Variants in ZBTB7A observed in about 807,000 individuals in gnomAD.
ZBTB7A encodes the protein zinc finger and BTB domain containing 7A.
In ZBTB7A, 7 loss-of-function variants were observed where a neutral mutation model predicts 26.7. The observed-to-expected ratio is 0.26, with a 90% confidence interval of 0.15 to 0.49. The LOEUF (loss-of-function observed/expected upper bound fraction) is 0.49. Among genes scored for constraint, ZBTB7A ranks in the 20% least tolerant of loss-of-function variants. The pLI is 0.98. For synonymous variants in ZBTB7A, 452 were observed against 441.0 expected, an observed-to-expected ratio of 1.02 and a Z score of -0.31; for missense variants, 617 against 919.5, an observed-to-expected ratio of 0.67 and a Z score of 4.25.
intron 2 of ZBTB7A, among the ~76,000 whole-genome samples, chr19:4,053,046 CCTGGGCTGTCCCTCCCT>C (rs1434106960): frequency 6.6e-6 from 1 of 152,226 alleles, no homozygotes. Flanking sequence ...CGCTCCACGG[CCTGGGCTGTCCCTCCCT>C]AAGCCTGAGG....
intron 1 of ZBTB7A, among the ~76,000 whole-genome samples, chr19:4,064,090 G>C (rs564068575): frequency 3.5e-4 from 53 of 152,192 alleles, no homozygotes; most frequent in Non-Finnish European, 5.7e-4. Context: ...GCTCTGCCTC[G>C]GCCGCGCCTC....
Position 4,046,397 on chromosome 19 carries a change from G to A in ZBTB7A, c.*1355C>T, listed in dbSNP as rs1376272351. On this transcript the variant is annotated 3_prime_UTR_variant, in exon 3 of 3. Transcript: ENST00000322357. Reference sequence around the variant, plus strand: ...AAATCGACTTTTAGGAATTTCTTCTGCTCTCGCTCTCTCTCTCGCTCTCTC... The same window carrying A: ...AAATCGACTTTTAGGAATTTCTTCTACTCTCGCTCTCTCTCTCGCTCTCTC... 2 of 182,702 alleles carry A rather than the reference G, an allele frequency of 1.1e-5. No homozygotes were observed. The highest frequency in any genetic ancestry group is 4.0e-4 in the South Asian group (2 of 5,040). 11.3% of individuals were successfully genotyped at this position (182,702 alleles called of 1,614,324 possible). A position where few individuals can be genotyped will look rare whatever the true frequency, so the allele number is the denominator to read the frequency against.
chr19:4,065,637 C>T (rs1435128918), intron 1 of ZBTB7A: 3 of 144,452 alleles, frequency 2.1e-5, no homozygotes, highest in African/African-American at 7.5e-5. Context: ...CCGCCTCCCC[C>T]ACGCCCGGGC....
In ZBTB7A at chr19:4,054,770, G is replaced by A; in HGVS notation, c.463C>T (p.Leu155Phe). 1 of 1,576,724 alleles carries A rather than the reference G, an allele frequency of 6.3e-7. No homozygotes were observed. The highest frequency in any genetic ancestry group is 8.6e-7 in the Non-Finnish European group (1 of 1,160,738). The change falls in exon 2 of 3, where the codon CTC becomes TTC. Residue 155 changes from leucine (L) to phenylalanine (F), a missense_variant. Coordinates refer to ENST00000322357, the MANE Select transcript of ZBTB7A (RefSeq NM_015898.4). Reference protein sequence around the residue: ...LVDQIDQRNLLRAKEYLEFFQ... With the variant: ...LVDQIDQRNLFRAKEYLEFFQ... The stretch of plus-strand genomic sequence containing the variant: ...AACTCGAGGTACTCCTTGGCGCGGA[G>A]GAGGTTGCGCTGATCAATTTGATCT...
chr19:4,053,628 C>T (rs1430831492), intron 2 of ZBTB7A, among the ~76,000 whole-genome samples: 1 of 147,154 alleles, frequency 6.8e-6, no homozygotes, highest in East Asian at 2.0e-4. Flanking sequence ...ATGTGGTGTG[C>T]ATCTGTGTCT....
At position 4,044,662 on chromosome 19, in the gene ZBTB7A, ATTGT is replaced by A. The variant is rs977807540; in HGVS notation, c.*3086_*3089del. On this transcript the variant is annotated 3_prime_UTR_variant, in exon 3 of 3. Transcript: ENST00000322357. Reference sequence around the variant, plus strand: ...ATGAGAATGGAAATAACAATTTCGCATTGTTTTTCTTTTTTTTTTTTCTCTTTTT... The same window carrying A: ...ATGAGAATGGAAATAACAATTTCGCATTTTCTTTTTTTTTTTTCTCTTTTT... 3.4e-5 allele frequency: 4 copies of A among 116,592 alleles called. No individual in the cohort carries two copies. The highest frequency in any genetic ancestry group is 9.9e-5 in the Admixed American group (1 of 10,146). The allele number at this position is 116,592 out of a possible 1,614,324, so 7.2% of individuals were successfully genotyped here. A position where few individuals can be genotyped will look rare whatever the true frequency, so the allele number is the denominator to read the frequency against.
At chr19:4,049,814 T>A (rs2040478894) in intron 2 of ZBTB7A, among the ~76,000 whole-genome samples, 1 of 152,216 alleles carries the variant, frequency 6.6e-6, no homozygotes, top group Non-Finnish European at 1.5e-5. Flanking sequence ...GCTCCCGCAG[T>A]CCGGGGTACT....
intron 1 of ZBTB7A, chr19:4,065,293 G>C (rs2040682589): frequency 6.7e-6 from 1 of 148,924 alleles, no homozygotes; most frequent in Non-Finnish European, 1.5e-5. Flanking sequence ...CGAGGGGCCA[G>C]GCCAGGCCCC....
chr19:4,051,414 C>G (rs2040503104), intron 2 of ZBTB7A, among the ~76,000 whole-genome samples: 1 of 152,210 alleles, frequency 6.6e-6, no homozygotes, highest in African/African-American at 2.4e-5. Flanking sequence ...TCCCAAAGAC[C>G]TGGCTCCCCT....
intron 1 of ZBTB7A, chr19:4,062,108 G>A (rs1016192241): frequency 8.5e-5 from 13 of 152,410 alleles, no homozygotes; most frequent in African/African-American, 3.1e-4. Context: ...GGCTCAGCCT[G>A]GGAGCCTGGC....
intron 1 of ZBTB7A, among the ~76,000 whole-genome samples, chr19:4,060,940 C>T (rs2040631908): frequency 6.6e-6 from 1 of 152,298 alleles, no homozygotes; most frequent in East Asian, 1.9e-4. Context: ...ATGTGCTGTG[C>T]AGAGCAGCTC....
chr19:4,049,168 G>GTGTGTATATA (rs1403864466), intron 2 of ZBTB7A, among the ~76,000 whole-genome samples: 1 of 14,958 alleles, frequency 6.7e-5, no homozygotes. Flanking sequence ...GTGTGTGTGT[G>GTGTGTATATA]TATATATATA....
rs762398738 is a variant in ZBTB7A at position 4,055,038 on chromosome 19, C to T, written c.195G>A (p.Ser65=). Residue 65 remains serine, a synonymous_variant, in exon 2 of 3, where the codon TCG becomes TCA. Transcript: ENST00000322357. ...CSQYFKKLFT[S]GAVVDQQNVY... is the part of the protein sequence containing the mutation. ...CGTTCTGCTGGTCCACCACGGCGCC[C>T]GACGTGAACAGCTTCTTGAAGTACT... 6 of 1,610,532 alleles carry T rather than the reference C, an allele frequency of 3.7e-6. No individual in the cohort carries two copies. Among genetic ancestry groups the T allele is most frequent in the Admixed American group, 3.3e-5 (2 of 59,908 alleles).
rs1401735437 is a variant in ZBTB7A at position 4,043,549 on chromosome 19, G to A, written c.*4203C>T. Among the ~76,000 whole-genome samples, 3 of 150,474 alleles carry A rather than the reference G, an allele frequency of 2.0e-5. No homozygotes were observed. The highest frequency in any genetic ancestry group is 3.9e-4 in the East Asian group (2 of 5,066). ...CTGTGCTCTGTACCCTGAGGGCGCC[G>A]CCCCGCCCCCCATTCACCAGGCCTG... On this transcript the variant is annotated 3_prime_UTR_variant, in exon 3 of 3. Coordinates refer to ENST00000322357, the MANE Select transcript of ZBTB7A (RefSeq NM_015898.4).
At position 4,047,905 on chromosome 19, in the gene ZBTB7A, C is replaced by T; in HGVS notation, c.1602G>A (p.Gln534=). 6.4e-7 allele frequency: 1 copy of T among 1,553,374 alleles called. No individual in the cohort carries two copies. Among genetic ancestry groups the T allele is most frequent in the Admixed American group, 1.9e-5 (1 of 52,236 alleles). The change falls in exon 3 of 3, where the codon CAG becomes CAA. Residue 534 remains glutamine (Q), a synonymous_variant. Transcript: ENST00000322357. ...PSSPDARRNG[Q]EKHFKDEDED... ...CGTCCTCGTCCTTAAAGTGCTTCTC[C>T]TGGCCGTTGCGCCGGGCGTCGGGGG...
chr19:4,043,395 T>G lies in ZBTB7A; in HGVS notation c.*4357A>C, dbSNP rs1226649327. Among the ~76,000 whole-genome samples the G allele has an allele frequency of 2.0e-5, 3 of 151,884 alleles. No individual in the cohort carries two copies. Among genetic ancestry groups the G allele is most frequent in the Admixed American group, 2.0e-4 (3 of 15,252 alleles). ...TTTTTTCATCTTTTGTGTTTTTGTTTGTTTTTTATTACTTTTAAAGCTTCT... is the reference window on the plus strand; with the variant it reads ...TTTTTTCATCTTTTGTGTTTTTGTTGGTTTTTTATTACTTTTAAAGCTTCT... On this transcript the variant is annotated 3_prime_UTR_variant, in exon 3 of 3. Coordinates refer to ENST00000322357, the MANE Select transcript of ZBTB7A (RefSeq NM_015898.4).
In ZBTB7A at chr19:4,043,748, T is replaced by C. The variant is rs2040376347; in HGVS notation, c.*4004A>G. On this transcript the variant is annotated 3_prime_UTR_variant, in exon 3 of 3. Transcript: ENST00000322357. ...CCCCCCCCCCCCCCCCGTAAATCTA[T>C]GTATTTAATGCGAGCTAGTCTTAAC... is the stretch of plus-strand genomic sequence containing the variant. Among the ~76,000 whole-genome samples the C allele has an allele frequency of 1.3e-5, 1 of 76,848 alleles. No homozygotes were observed. Among genetic ancestry groups the C allele is most frequent in the Admixed American group, 1.8e-4 (1 of 5,580 alleles). 50.4% of individuals were successfully genotyped at this position (76,848 alleles called of 152,430 possible).
chr19:4,054,823 C>T lies in ZBTB7A; in HGVS notation c.410G>A (p.Gly137Asp), dbSNP rs2040557485. The change falls in exon 2 of 3, where the codon GGC becomes GAC. Residue 137 changes from glycine to aspartate, a missense_variant. Physicochemically the swap from Gly to Asp is moderately conservative, Grantham distance 94 (BLOSUM62 -1). Transcript: ENST00000322357. ...LDRQILAADA[G>D]ADAGQLDLVD... ...AAGGTCCAGCTGCCCGGCGTCGGCG[C>T]CCGCGTCGGCCGCCAGGATCTGCCG... 8 of 1,599,290 alleles carry T rather than the reference C, an allele frequency of 5.0e-6. No individual in the cohort carries two copies. Among genetic ancestry groups the T allele is most frequent in the Admixed American group, 1.7e-5 (1 of 58,078 alleles).
At chr19:4,060,768 G>C (rs980958589) in intron 1 of ZBTB7A, among the ~76,000 whole-genome samples, 11 of 152,196 alleles carry the variant, frequency 7.2e-5, no homozygotes, top group African/African-American at 2.7e-4. Flanking sequence ...CCTCCCCAAG[G>C]TCACACGACA....
Sources: allele counts gnomAD v4.1 joint callset (sites outside exome capture counted in the v4.1 genomes callset), GRCh38; gene constraint gnomAD v4.1.1; transcripts MANE v1.5; gene names NCBI Gene and HGNC (gene_info 2026-07-23, HGNC 2026-07-21).